Variants in KCNIP4 observed in about 807,000 individuals in gnomAD.
KCNIP4 encodes Kv channel-interacting protein 4.
KCNIP4 carries 12 observed loss-of-function variants against 34.0 expected under a neutral mutation model. The ratio of observed to expected loss-of-function variants is 0.35; its 90% CI spans 0.23 to 0.57. The LOEUF (loss-of-function observed/expected upper bound fraction) is 0.57, where lower values mean the gene tolerates loss of function less well. Ranked by LOEUF, KCNIP4 falls within the 20% of genes least tolerant of loss-of-function variation. The pLI is 0.83. For synonymous variants in KCNIP4, 124 were observed against 102.2 expected, an observed-to-expected ratio of 1.21 and a Z score of -1.29; for missense variants, 238 against 311.7, an observed-to-expected ratio of 0.76 and a Z score of 1.78.
chr4:21,810,983 T>G (rs531892047), intron 1 of KCNIP4, among the ~76,000 whole-genome samples: 3 of 151,986 alleles, frequency 2.0e-5, no homozygotes, highest in Non-Finnish European at 4.4e-5. Context: ...AACATGAAAA[T>G]TTTTTTTAGC....
At chr4:21,425,467 A>AAT (rs778302578) in intron 1 of KCNIP4, among the ~76,000 whole-genome samples, 4 of 152,106 alleles carry the variant, frequency 2.6e-5, no homozygotes, top group African/African-American at 9.7e-5. Context: ...ATATGTGTTA[A>AAT]ATATATATAT....
intron 1 of KCNIP4, among the ~76,000 whole-genome samples, chr4:21,551,409 A>G (rs545670632): frequency 1.2e-4 from 19 of 152,116 alleles, no homozygotes; most frequent in Non-Finnish European, 2.5e-4. Context: ...AGCCAGTCTC[A>G]TATCTTCTTG....
intron 1 of KCNIP4, among the ~76,000 whole-genome samples, chr4:21,422,178 T>C (rs1041536577): frequency 6.6e-6 from 1 of 151,246 alleles, no homozygotes; most frequent in Non-Finnish European, 1.5e-5. Flanking sequence ...TTTTATATTA[T>C]AAAATTTCTG....
intron 1 of KCNIP4, among the ~76,000 whole-genome samples, chr4:21,415,576 C>T (rs1724886153): frequency 6.6e-6 from 1 of 151,578 alleles, no homozygotes; most frequent in Non-Finnish European, 1.5e-5. Flanking sequence ...GTGGCGCACG[C>T]TTGTAATCCC....
chr4:21,777,466 A>G (rs1719259153), intron 1 of KCNIP4, among the ~76,000 whole-genome samples: 1 of 96,072 alleles, frequency 1.0e-5, no homozygotes, highest in Non-Finnish European at 3.1e-5. Context: ...AAATAGAATT[A>G]AAAATGGGAC....
chr4:21,413,039 T>C (rs1386042629), intron 1 of KCNIP4, among the ~76,000 whole-genome samples: 1 of 152,182 alleles, frequency 6.6e-6, no homozygotes, highest in Admixed American at 6.5e-5. Flanking sequence ...GACTGGCAAG[T>C]AGCCCATATA....
At chr4:20,819,758 C>T (rs1371787803) in intron 3 of KCNIP4, among the ~76,000 whole-genome samples, 3 of 152,158 alleles carry the variant, frequency 2.0e-5, no homozygotes, top group Non-Finnish European at 4.4e-5. Flanking sequence ...CACTCTAGGA[C>T]CTTCAGCTCT....
At chr4:21,183,304 A>G (rs1754980042) in intron 1 of KCNIP4, among the ~76,000 whole-genome samples, 1 of 152,152 alleles carries the variant, frequency 6.6e-6, no homozygotes, top group Non-Finnish European at 1.5e-5. Flanking sequence ...TGCAATGAAC[A>G]TGAGTGTGCA....
chr4:21,264,508 T>C (rs529142351), intron 1 of KCNIP4, among the ~76,000 whole-genome samples: 1 of 152,290 alleles, frequency 6.6e-6, no homozygotes, highest in South Asian at 2.1e-4. Context: ...GTCTCTTCCT[T>C]ACTGGCTGTG....
In KCNIP4 at chr4:21,066,138, C is replaced by A. The variant is rs74430640; in HGVS notation, c.62-183429G>T. 3.1e-3 allele frequency among the ~76,000 whole-genome samples: 471 copies of A among 152,144 alleles called. 2 individuals carry two copies. Among genetic ancestry groups the A allele is most frequent in the African/African-American group, 0.011 (448 of 41,524 alleles). ...CATTCATGTGGTTTGTTTATAGGATCAACAACACCGGTGGGAAATTTTACA... is the reference window on the plus strand; with the variant it reads ...CATTCATGTGGTTTGTTTATAGGATAAACAACACCGGTGGGAAATTTTACA... On this transcript the variant is annotated intron_variant, in intron 1 of 8. Transcript: ENST00000382152.
intron 1 of KCNIP4, among the ~76,000 whole-genome samples, chr4:21,594,181 G>A (rs1015358427): frequency 6.6e-6 from 1 of 152,104 alleles, no homozygotes; most frequent in Non-Finnish European, 1.5e-5. Context: ...TGTGAAGGAA[G>A]CTGTGCTCTC....
rs145275507 is a variant in KCNIP4 at position 20,792,927 on chromosome 4, T to C, written c.289-34037A>G. 5.3e-5 allele frequency among the ~76,000 whole-genome samples: 8 copies of C among 152,294 alleles called. No individual in the cohort carries two copies. The East Asian group carries it at 1.5e-3, about 29-fold the overall frequency. ...CTTGAATGAAATAACCCAAATGTTGTTGAGGATGTAAACAAACTAAAACTT... is the reference window on the plus strand; with the variant it reads ...CTTGAATGAAATAACCCAAATGTTGCTGAGGATGTAAACAAACTAAAACTT... On this transcript the variant is annotated intron_variant, in intron 3 of 8. Coordinates refer to ENST00000382152, the MANE Select transcript of KCNIP4 (RefSeq NM_025221.6).
chr4:21,873,714 T>G (rs563798574), intron 1 of KCNIP4, among the ~76,000 whole-genome samples: 70 of 152,320 alleles, frequency 4.6e-4, no homozygotes, highest in Non-Finnish European at 9.1e-4. Context: ...GAATCCCTAA[T>G]TGAAAGCATC....
At chr4:21,282,491 TGTG>T (rs1490480374) in intron 1 of KCNIP4, among the ~76,000 whole-genome samples, 1 of 145,318 alleles carries the variant, frequency 6.9e-6, no homozygotes, top group African/African-American at 2.7e-5. Flanking sequence ...TGTGTGTGTG[TGTG>T]TAATGCTGTT....
At chr4:21,731,195 G>T (rs930485020) in intron 1 of KCNIP4, among the ~76,000 whole-genome samples, 1 of 151,846 alleles carries the variant, frequency 6.6e-6, no homozygotes, top group East Asian at 1.9e-4. Flanking sequence ...TCCATTATGG[G>T]TGAGAGAGGC....
chr4:21,132,222 C>G lies in KCNIP4; in HGVS notation c.62-249513G>C, dbSNP rs535375621. Among the ~76,000 whole-genome samples the G allele has an allele frequency of 5.3e-5, 8 of 152,312 alleles. No individual in the cohort carries two copies. The South Asian group carries it at 1.7e-3, about 32-fold the overall frequency. On this transcript the variant is annotated intron_variant, in intron 1 of 8. Transcript: ENST00000382152. Reference sequence around the variant, plus strand: ...AGGAATTTCACCAGCCATATAAGAACAGCCTGTTTCTGTTTAACTTGTTCT... The same window carrying G: ...AGGAATTTCACCAGCCATATAAGAAGAGCCTGTTTCTGTTTAACTTGTTCT...
chr4:21,665,450 A>G (rs1748779329), intron 1 of KCNIP4, among the ~76,000 whole-genome samples: 1 of 152,164 alleles, frequency 6.6e-6, no homozygotes, highest in Non-Finnish European at 1.5e-5. Context: ...GTAATTGCCA[A>G]CTTAAAAAGA....
At chr4:21,424,907 C>T (rs909156853) in intron 1 of KCNIP4, among the ~76,000 whole-genome samples, 4 of 152,160 alleles carry the variant, frequency 2.6e-5, no homozygotes, top group Non-Finnish European at 2.9e-5. Flanking sequence ...CCCAAATGTG[C>T]ATAGGCTATT....
At chr4:21,076,831 A>G (rs1185257706) in intron 1 of KCNIP4, among the ~76,000 whole-genome samples, 1 of 152,092 alleles carries the variant, frequency 6.6e-6, no homozygotes, top group Non-Finnish European at 1.5e-5. Context: ...GCTTAAAAAG[A>G]AGTGTTGGGG....
Sources: gnomAD v4.1 joint callset for allele counts (sites outside exome capture counted in the v4.1 genomes callset) on GRCh38, gnomAD v4.1.1 for gene constraint, MANE v1.5 for transcripts, NCBI Gene and HGNC (gene_info 2026-07-23, HGNC 2026-07-21) for gene names.